Variants in SPAST observed in about 807,000 individuals in gnomAD.
SPAST encodes the protein spastic paraplegia 4 (autosomal dominant; spastin).
In SPAST, 30 loss-of-function variants were observed where a neutral mutation model predicts 76.6. The ratio of observed to expected loss-of-function variants is 0.39; its 90% CI spans 0.29 to 0.53. The LOEUF (loss-of-function observed/expected upper bound fraction) is 0.53. Among genes scored for constraint, SPAST ranks in the 20% least tolerant of loss-of-function variants. The pLI, the probability that SPAST is intolerant of heterozygous loss-of-function variation, is 0.68. For synonymous variants in SPAST, 305 were observed against 281.0 expected, an observed-to-expected ratio of 1.09 and a Z score of -0.86; for missense variants, 717 against 770.5, an observed-to-expected ratio of 0.93 and a Z score of 0.82.
At position 32,079,203 on chromosome 2, in the gene SPAST, G is replaced by C. The variant is rs536039578; in HGVS notation, c.416-8289G>C. Among the ~76,000 whole-genome samples the C allele has an allele frequency of 1.6e-4, 24 of 152,264 alleles. 1 individual carries two copies. The East Asian group carries it at 4.6e-3, about 29-fold the overall frequency. ...TAATAGAGGAATATAGTAAAGCAAA[G>C]GGGGATATCACTGATTAGAACTGTG... On this transcript the variant is annotated intron_variant, in intron 1 of 16. Transcript: ENST00000315285.
intron 1 of SPAST, among the ~76,000 whole-genome samples, chr2:32,067,054 G>A (rs1160466830): frequency 1.3e-5 from 2 of 151,116 alleles, no homozygotes; most frequent in African/African-American, 2.4e-5. Flanking sequence ...AACATGCAAG[G>A]AAATTTTTTT....
rs544836990 is a variant in SPAST, at chr2:32,101,844, T to G, written c.682+2953T>G. The stretch of plus-strand genomic sequence containing the variant: ...GTTCCATTGGTCTATATCTCTGTTT[T>G]GGTATCAGTACCATGCTGTTTTGAT... On this transcript the variant is annotated intron_variant, in intron 4 of 16. Coordinates refer to ENST00000315285, the MANE Select transcript of SPAST (RefSeq NM_014946.4). Among the ~76,000 whole-genome samples the G allele has an allele frequency of 1.8e-4, 28 of 152,358 alleles. 1 individual carries two copies. The highest frequency in any genetic ancestry group is 6.8e-3 in the Middle Eastern group (2 of 294).
chr2:32,141,085 T>C (rs559307420), intron 12 of SPAST, among the ~76,000 whole-genome samples: 1 of 152,166 alleles, frequency 6.6e-6, no homozygotes, highest in South Asian at 2.1e-4. Flanking sequence ...TCTTGAGTAG[T>C]CCATGTATAC....
rs184302710 is a variant in SPAST, at chr2:32,146,631, C to T, written c.1688-587C>T. On this transcript the variant is annotated intron_variant, in intron 15 of 16. Transcript: ENST00000315285. ...CCTGTAATCCCAGCACTTTGGGAGG[C>T]CAAGATGGGTGGATCATGAGGTCAG... 9.4e-3 allele frequency among the ~76,000 whole-genome samples: 1,426 copies of T among 151,978 alleles called. 26 individuals are homozygous for T. Among genetic ancestry groups the T allele is most frequent in the South Asian group, 0.049 (237 of 4,818 alleles).
chr2:32,079,850 G>A (rs879785884), intron 1 of SPAST, among the ~76,000 whole-genome samples: 1 of 152,182 alleles, frequency 6.6e-6, no homozygotes, highest in Non-Finnish European at 1.5e-5. Context: ...TTTATTAATG[G>A]ATATTTGGAT....
chr2:32,139,087 G>A (rs145552499), intron 12 of SPAST, among the ~76,000 whole-genome samples: 17 of 152,246 alleles, frequency 1.1e-4, no homozygotes, highest in East Asian at 5.8e-4. Context: ...GTCAGGTAAC[G>A]TGATACTTAC....
Position 32,069,185 on chromosome 2 carries a change from C to A in SPAST, c.415+4939C>A, listed in dbSNP as rs528951092. 3.3e-5 allele frequency among the ~76,000 whole-genome samples: 5 copies of A among 150,644 alleles called. No individual in the cohort carries two copies. In the East Asian group the frequency reaches 9.8e-4, roughly 29 times the overall value. ...CCAAGATCACGCCACTGCACGCCAG[C>A]CTGGGCAACAGAGCAAGACTCCATC... On this transcript the variant is annotated intron_variant, in intron 1 of 16. Transcript: ENST00000315285.
rs773193617 is a variant in SPAST, at chr2:32,115,709, C to T, written c.878C>T (p.Pro293Leu). The stretch of plus-strand genomic sequence containing the variant: ...AATTTTGTATCCTTTAAGGGTACTC[C>T]GAAAACAAATAGGACAAATAAACCT... ...GPAPTTHKGT[P>L]KTNRTNKPST... The change falls in exon 6 of 17, where the codon CCG becomes CTG. Residue 293 changes from proline (P) to leucine (L), a missense_variant. Transcript: ENST00000315285. 82 of 1,606,694 alleles carry T rather than the reference C, an allele frequency of 5.1e-5. No homozygotes were observed. Among genetic ancestry groups the T allele is most frequent in the Admixed American group, 2.7e-4 (16 of 59,866 alleles).
chr2:32,075,425 C>CAAAA (rs70938315), intron 1 of SPAST, among the ~76,000 whole-genome samples: 1 of 65,606 alleles, frequency 1.5e-5, no homozygotes, highest in Non-Finnish European at 2.7e-5. Flanking sequence ...GACTCTGTCT[C>CAAAA]AAAAAAAAAA....
intron 9 of SPAST, among the ~76,000 whole-genome samples, chr2:32,131,772 C>G (rs1679377358): frequency 6.6e-6 from 1 of 150,942 alleles, no homozygotes; most frequent in Non-Finnish European, 1.5e-5. Context: ...AAGTGATCCC[C>G]CTGCCTTAGC....
Position 32,085,077 on chromosome 2 carries a change from C to T in SPAST, c.416-2415C>T, listed in dbSNP as rs76558199. Among the ~76,000 whole-genome samples, 68 of 152,012 alleles carry T rather than the reference C, an allele frequency of 4.5e-4. 1 individual carries two copies. In the East Asian group the frequency reaches 0.012, roughly 28 times the overall value. On this transcript the variant is annotated intron_variant, in intron 1 of 16. Transcript: ENST00000315285. ...ATTACACTATTTTCTATAATTTTCC[C>T]TTTTTCAAACTAAAAAACAAAAATA...
intron 4 of SPAST, among the ~76,000 whole-genome samples, chr2:32,104,844 T>C (rs951839712): frequency 6.6e-6 from 1 of 152,232 alleles, no homozygotes; most frequent in African/African-American, 2.4e-5. Flanking sequence ...TGGGCTTCCC[T>C]TTGTGGGTAA....
intron 7 of SPAST, among the ~76,000 whole-genome samples, chr2:32,124,706 A>G (rs1274250118): frequency 7.9e-5 from 12 of 152,236 alleles, no homozygotes; most frequent in Admixed American, 7.9e-4. Flanking sequence ...AGTATTATTC[A>G]GCAATAAAAA....
chr2:32,064,597 T>A (rs1676435297), intron 1 of SPAST, among the ~76,000 whole-genome samples: 1 of 152,144 alleles, frequency 6.6e-6, no homozygotes, highest in African/African-American at 2.4e-5. Flanking sequence ...GTGTGCAGCT[T>A]CCTCTGAACC....
At chr2:32,137,009 A>AATAT (rs1679559980) in intron 11 of SPAST, 41 bp downstream of exon 11, 2 of 1,303,116 alleles carry the variant, frequency 1.5e-6, no homozygotes, top group Admixed American at 2.0e-5. Context: ...GCAGCATTTT[A>AATAT]GTATATTTTC....
intron 3 of SPAST, among the ~76,000 whole-genome samples, chr2:32,090,509 C>T (rs1553400200): frequency 6.6e-6 from 1 of 152,084 alleles, no homozygotes; most frequent in Non-Finnish European, 1.5e-5. Context: ...TAAAAAATAA[C>T]TCCAAATTTC....
chr2:32,082,136 G>A (rs1677259104), intron 1 of SPAST, among the ~76,000 whole-genome samples: 1 of 148,654 alleles, frequency 6.7e-6, no homozygotes, highest in African/African-American at 2.5e-5. Flanking sequence ...GGGAGTACAG[G>A]CACCCACCCC....
chr2:32,127,655 CTTTTT>C (rs201369526), intron 8 of SPAST: 1 of 141,472 alleles, frequency 7.1e-6, no homozygotes, highest in African/African-American at 2.6e-5. Flanking sequence ...TATGTTATAG[CTTTTT>C]TTTTTTTTTA....
intron 3 of SPAST, among the ~76,000 whole-genome samples, chr2:32,091,555 G>A (rs889303079): frequency 6.7e-6 from 1 of 149,490 alleles, no homozygotes; most frequent in Non-Finnish European, 1.5e-5. Context: ...GGGATAGGCC[G>A]GGCACGGTGG....
Sources: gnomAD v4.1 joint callset for allele counts (sites outside exome capture counted in the v4.1 genomes callset) on GRCh38, gnomAD v4.1.1 for gene constraint, MANE v1.5 for transcripts, NCBI Gene and HGNC (gene_info 2026-07-23, HGNC 2026-07-21) for gene names.